The following CFDP1 variants were observed in gnomAD, a reference collection of about 807,000 sequenced individuals.
CFDP1 encodes chromatin remodeling protein CFDP1, also known as heterochromatin-stabilizing protein CFDP1.
Under a neutral mutation model 40.1 loss-of-function variants are expected in CFDP1, and 31 were observed. That is an observed-to-expected ratio of 0.77 (90% confidence interval 0.58 to 1.04). The LOEUF (loss-of-function observed/expected upper bound fraction) is 1.04. Ranked by LOEUF, CFDP1 falls within the 50% of genes least tolerant of loss-of-function variation. The probability of loss-of-function intolerance (pLI) is 0.00; values close to 1 mark genes in which losing one functional copy is unlikely to be tolerated. For synonymous variants in CFDP1, 167 were observed against 120.0 expected (o/e 1.39, Z -2.56); for missense variants, 423 against 343.4 (o/e 1.23, Z -1.83).
At chr16:75,431,846 G>A (rs1249936082) in intron 1 of CFDP1, among the ~76,000 whole-genome samples, 4 of 152,018 alleles carry the variant, frequency 2.6e-5, no homozygotes, top group Non-Finnish European at 5.9e-5. Flanking sequence ...AATTCAAAAG[G>A]TGGAAAGAAG....
intron 5 of CFDP1, among the ~76,000 whole-genome samples, chr16:75,374,109 C>T (rs1377652180): frequency 6.6e-6 from 1 of 151,936 alleles, no homozygotes; most frequent in Non-Finnish European, 1.5e-5. Context: ...AAACATCAGC[C>T]AGGCGTGGTG....
chr16:75,320,986 T>C (rs1427440658), intron 5 of CFDP1, among the ~76,000 whole-genome samples: 4 of 152,188 alleles, frequency 2.6e-5, no homozygotes, highest in African/African-American at 9.6e-5. Flanking sequence ...TAGTATTTTT[T>C]TTTTAAGAGA....
At chr16:75,311,768 C>CG (rs1464688380) in intron 5 of CFDP1, among the ~76,000 whole-genome samples, 1 of 112,080 alleles carries the variant, frequency 8.9e-6, no homozygotes, top group Non-Finnish European at 1.8e-5. Context: ...TGGACCTTTA[C>CG]AATTTTTTTT....
intron 5 of CFDP1, among the ~76,000 whole-genome samples, chr16:75,389,766 C>T (rs1310010193): frequency 6.6e-6 from 1 of 152,186 alleles, no homozygotes; most frequent in Admixed American, 6.5e-5. Context: ...ACTTTCTATA[C>T]TCTGCAAATG....
intron 5 of CFDP1, chr16:75,306,676 A>G (rs1412226241): frequency 2.6e-5 from 4 of 152,260 alleles, no homozygotes; most frequent in Admixed American, 6.5e-5. Flanking sequence ...ACAAAGGAAG[A>G]TCTCTCCCAA....
At chr16:75,412,020 A>T (rs1267291714) in intron 3 of CFDP1, 68 bp from the exon 4 acceptor site, 1 of 1,393,806 alleles carries the variant, frequency 7.2e-7, no homozygotes, top group Non-Finnish European at 9.6e-7. Context: ...GATACTTTTT[A>T]TTTTTTTTTC....
At chr16:75,371,432 G>A (rs886627233) in intron 5 of CFDP1, among the ~76,000 whole-genome samples, 1 of 152,128 alleles carries the variant, frequency 6.6e-6, no homozygotes, top group Non-Finnish European at 1.5e-5. Flanking sequence ...TGATGTCAAA[G>A]CAGATTAAGA....
intron 5 of CFDP1, among the ~76,000 whole-genome samples, chr16:75,391,862 G>C (rs1020374108): frequency 6.6e-6 from 1 of 151,866 alleles, no homozygotes; most frequent in Non-Finnish European, 1.5e-5. Context: ...CCAGCTACTC[G>C]GGAGGCTGAG....
At chr16:75,430,091 G>A (rs2079392620) in intron 1 of CFDP1, among the ~76,000 whole-genome samples, 1 of 152,164 alleles carries the variant, frequency 6.6e-6, no homozygotes, top group Non-Finnish European at 1.5e-5. Context: ...TTTTCTTGTT[G>A]GCAACAGGTT....
intron 5 of CFDP1, among the ~76,000 whole-genome samples, chr16:75,368,593 G>A (rs2078732264): frequency 6.6e-6 from 1 of 152,146 alleles, no homozygotes; most frequent in African/African-American, 2.4e-5. Flanking sequence ...ATAAAAGATT[G>A]GCAAAATATT....
intron 5 of CFDP1, among the ~76,000 whole-genome samples, chr16:75,366,643 A>G (rs2078715996): frequency 6.6e-6 from 1 of 152,052 alleles, no homozygotes. Context: ...ACAAACAAAC[A>G]AAAAAACCGT....
chr16:75,339,395 A>G (rs2078511107), intron 5 of CFDP1, among the ~76,000 whole-genome samples: 1 of 151,992 alleles, frequency 6.6e-6, no homozygotes, highest in South Asian at 2.1e-4. Context: ...TATCTCTTTC[A>G]GGGATAAATT....
chr16:75,350,224 G>A (rs921089633), intron 5 of CFDP1, among the ~76,000 whole-genome samples: 9 of 152,112 alleles, frequency 5.9e-5, no homozygotes, highest in African/African-American at 1.7e-4. Flanking sequence ...GTTTTTGTGT[G>A]GATATATGTT....
chr16:75,326,324 A>G (rs760247543), intron 5 of CFDP1, among the ~76,000 whole-genome samples: 14 of 152,244 alleles, frequency 9.2e-5, no homozygotes, highest in Non-Finnish European at 5.9e-5. Flanking sequence ...GCCTTAGTCC[A>G]CTCTGGAAGC....
chr16:75,329,751 T>C (rs914740649), intron 5 of CFDP1, among the ~76,000 whole-genome samples: 6 of 152,264 alleles, frequency 3.9e-5, no homozygotes, highest in African/African-American at 1.4e-4. Flanking sequence ...AGAGTTGTAT[T>C]TGATAGCACC....
chr16:75,413,500 C>G (rs1567678692), intron 2 of CFDP1, among the ~76,000 whole-genome samples: 1 of 138,014 alleles, frequency 7.2e-6, no homozygotes, highest in Non-Finnish European at 1.5e-5. Flanking sequence ...TTGCATTGAG[C>G]AGAGATCACG....
intron 5 of CFDP1, among the ~76,000 whole-genome samples, chr16:75,317,338 C>T (rs372090114): frequency 1.3e-5 from 2 of 152,344 alleles, no homozygotes; most frequent in African/African-American, 4.8e-5. Context: ...ATGCTGCAGC[C>T]CTTCCCGCCT....
chr16:75,375,871 C>A (rs1454939160), intron 5 of CFDP1, among the ~76,000 whole-genome samples: 1 of 151,772 alleles, frequency 6.6e-6, no homozygotes, highest in African/African-American at 2.4e-5. Context: ...ACATCACTGG[C>A]AAAATATAAA....
chr16:75,369,374 G>T (rs2078736649), intron 5 of CFDP1, among the ~76,000 whole-genome samples: 1 of 148,488 alleles, frequency 6.7e-6, no homozygotes. Context: ...TATAGCAAAA[G>T]TTCGCTTCAA....
Sources: gnomAD v4.1 joint callset for allele counts (sites outside exome capture counted in the v4.1 genomes callset) on GRCh38, gnomAD v4.1.1 for gene constraint, MANE v1.5 for transcripts, NCBI Gene and HGNC (gene_info 2026-07-23, HGNC 2026-07-21) for gene names.